Variants in PTPRN2 observed in about 807,000 individuals in gnomAD.
PTPRN2 encodes the protein receptor-type tyrosine-protein phosphatase N2.
In PTPRN2, 74 loss-of-function variants were observed where a neutral mutation model predicts 118.8. That is an observed-to-expected ratio of 0.62 (90% CI 0.52 to 0.76). PTPRN2 has a LOEUF of 0.76. Ranked by LOEUF, PTPRN2 falls within the 30% of genes least tolerant of loss-of-function variation. The pLI is 0.00. For missense variants in PTPRN2, 1,481 were observed against 1,394.4 expected, an observed-to-expected ratio of 1.06 and a Z score of -0.99; for synonymous variants, 641 against 608.0, an observed-to-expected ratio of 1.05 and a Z score of -0.80.
intron 3 of PTPRN2, among the ~76,000 whole-genome samples, chr7:158,225,591 T>C (rs1361854711): frequency 1.3e-5 from 2 of 152,186 alleles, no homozygotes; most frequent in Non-Finnish European, 2.9e-5. Context: ...TGCAGTCTAG[T>C]GTGGAATGCA....
intron 12 of PTPRN2, among the ~76,000 whole-genome samples, chr7:157,720,116 C>T (rs368604197): frequency 1.8e-4 from 27 of 152,328 alleles, no homozygotes; most frequent in African/African-American, 5.1e-4. Context: ...GTCAGATATT[C>T]GCTTATAGGA....
intron 12 of PTPRN2, among the ~76,000 whole-genome samples, chr7:157,683,999 T>C (rs1476229591): frequency 6.6e-6 from 1 of 152,052 alleles, no homozygotes; most frequent in African/African-American, 2.4e-5. Flanking sequence ...GGCCTATTCA[T>C]TATCTCTCTT....
Position 157,808,345 on chromosome 7 carries a change from G to A in PTPRN2, c.1788+90328C>T, listed in dbSNP as rs1805765865. Among the ~76,000 whole-genome samples the A allele has an allele frequency of 6.6e-6, 1 of 152,130 alleles. No homozygotes were observed. The highest frequency in any genetic ancestry group is 2.4e-5 in the African/African-American group (1 of 41,396). On this transcript the variant is annotated intron_variant, in intron 12 of 22. Coordinates refer to ENST00000389418, the MANE Select transcript of PTPRN2 (RefSeq NM_002847.5). The surrounding 1 kb of genome is among the most constrained non-coding windows in gnomAD (Gnocchi z 5.0). ...TGGCAGGTAAGCGGGTGAGTGGCGG[G>A]TGAGTGAGCGAGTGAAACTTTGTCG...
At chr7:158,281,492 A>G (rs981763310) in intron 3 of PTPRN2, among the ~76,000 whole-genome samples, 1 of 152,246 alleles carries the variant, frequency 6.6e-6, no homozygotes, top group African/African-American at 2.4e-5. Context: ...TTTACAGTAT[A>G]AGAGACATTG....
In PTPRN2 at chr7:157,801,833, C is replaced by A. The variant is rs1229940038; in HGVS notation, c.1788+96840G>T. Among the ~76,000 whole-genome samples, 3 of 152,126 alleles carry A rather than the reference C, an allele frequency of 2.0e-5. No individual in the cohort carries two copies. Among genetic ancestry groups the A allele is most frequent in the Non-Finnish European group, 2.9e-5 (2 of 68,018 alleles). On this transcript the variant is annotated intron_variant, in intron 12 of 22. Coordinates refer to ENST00000389418, the MANE Select transcript of PTPRN2 (RefSeq NM_002847.5). The surrounding 1 kb of genome is among the most constrained non-coding windows in gnomAD (Gnocchi z 4.2). ...GGTCCTTGGCTTCCTGTGTCTCCCC[C>A]AAAACACACGTGGCTTATCAGAAAC...
intron 2 of PTPRN2, among the ~76,000 whole-genome samples, chr7:158,391,421 G>T (rs1284188123): frequency 6.6e-6 from 1 of 152,208 alleles, no homozygotes; most frequent in Admixed American, 6.5e-5. Flanking sequence ...TCTCTCCTTC[G>T]GACGCTGACT....
At chr7:157,715,302 C>T (rs969533542) in intron 12 of PTPRN2, among the ~76,000 whole-genome samples, 1 of 152,184 alleles carries the variant, frequency 6.6e-6, no homozygotes, top group South Asian at 2.1e-4. Context: ...GGCCGGCGGC[C>T]GCGGGAAACC....
chr7:158,133,479 G>A (rs967828365), intron 9 of PTPRN2, among the ~76,000 whole-genome samples, 198 bp downstream of exon 9: 1 of 152,214 alleles, frequency 6.6e-6, no homozygotes, highest in Non-Finnish European at 1.5e-5. Context: ...GCCCAGCTCA[G>A]AAGCATCAGG....
In PTPRN2 at chr7:157,763,273, GGCGTGATGT is replaced by G. The variant is rs1802256063; in HGVS notation, c.1789-80345_1789-80337del. Among the ~76,000 whole-genome samples the G allele has an allele frequency of 6.6e-6, 1 of 152,226 alleles. No individual in the cohort carries two copies. Among genetic ancestry groups the G allele is most frequent in the Non-Finnish European group, 1.5e-5 (1 of 68,040 alleles). ...TCCAGCCACATACACCATGACCTCT[GGCGTGATGT>G]GCCCTCCTCATTTTTCTCTCCCTTC... On this transcript the variant is annotated intron_variant, in intron 12 of 22. Coordinates refer to ENST00000389418, the MANE Select transcript of PTPRN2 (RefSeq NM_002847.5). The surrounding 1 kb of genome is among the most constrained non-coding windows in gnomAD (Gnocchi z 4.9).
intron 11 of PTPRN2, among the ~76,000 whole-genome samples, chr7:158,045,907 C>A (rs567475792): frequency 0.019 from 2,559 of 135,670 alleles, 88 homozygotes; most frequent in African/African-American, 0.034. Context: ...GCGATCCTGA[C>A]GTCCTGACAC....
chr7:157,683,011 G>A lies in PTPRN2; in HGVS notation c.1789-74C>T, dbSNP rs1189751251. On this transcript the variant is annotated intron_variant, in intron 12 of 22. Coordinates refer to ENST00000389418, the MANE Select transcript of PTPRN2 (RefSeq NM_002847.5). The stretch of plus-strand genomic sequence containing the variant: ...CTCCTAAAAACACACGTCTCCAAAT[G>A]CAACTTGAAAGTGGAAAGCTCAGCC... 3 of 1,316,206 alleles carry A rather than the reference G, an allele frequency of 2.3e-6. No homozygotes were observed. The African/African-American group carries it at 4.4e-5, about 19-fold the overall frequency. The allele number at this position is 1,316,206 out of a possible 1,614,324, so 81.5% of individuals were successfully genotyped here.
At chr7:158,180,522 G>A (rs2150657277) in intron 5 of PTPRN2, among the ~76,000 whole-genome samples, 1 of 152,274 alleles carries the variant, frequency 6.6e-6, no homozygotes, top group South Asian at 2.1e-4. Context: ...TAAATCTGTA[G>A]ATTGCTTTGG....
chr7:158,353,644 G>C (rs1413900234), intron 2 of PTPRN2, among the ~76,000 whole-genome samples: 2 of 152,190 alleles, frequency 1.3e-5, no homozygotes, highest in African/African-American at 4.8e-5. Context: ...AGGTGAGGAT[G>C]AGTCAGGTCC....
chr7:158,216,438 A>T (rs1417357105), intron 3 of PTPRN2, among the ~76,000 whole-genome samples: 2 of 151,390 alleles, frequency 1.3e-5, no homozygotes, highest in African/African-American at 2.4e-5. Context: ...GGTTTTTTTT[A>T]AAAAAAGACT....
intron 19 of PTPRN2, among the ~76,000 whole-genome samples, chr7:157,576,003 T>C (rs1431403587): frequency 1.3e-5 from 2 of 152,194 alleles, no homozygotes; most frequent in African/African-American, 4.8e-5. Context: ...TTTTTTTTCA[T>C]TGTCAATTTC....
At chr7:158,414,767 G>A (rs1011851578) in intron 2 of PTPRN2, among the ~76,000 whole-genome samples, 2 of 152,348 alleles carry the variant, frequency 1.3e-5, no homozygotes, top group East Asian at 1.9e-4. Flanking sequence ...TGTTGAAAGT[G>A]GGGGAGGGGC....
chr7:158,359,373 T>C (rs1808655727), intron 2 of PTPRN2, among the ~76,000 whole-genome samples: 1 of 152,014 alleles, frequency 6.6e-6, no homozygotes, highest in Non-Finnish European at 1.5e-5. Context: ...GGCCAAGAGG[T>C]CATTTGGCGA....
At chr7:158,522,177 ACT>A (rs1824197519) in intron 1 of PTPRN2, among the ~76,000 whole-genome samples, 2 of 14,148 alleles carry the variant, frequency 1.4e-4, no homozygotes, top group African/African-American at 4.2e-4. Context: ...CTGTCCGGGT[ACT>A]GGCTCGGGAG....
chr7:157,961,638 C>A (rs1348020985), intron 11 of PTPRN2, among the ~76,000 whole-genome samples: 1 of 152,154 alleles, frequency 6.6e-6, no homozygotes, highest in Non-Finnish European at 1.5e-5. Flanking sequence ...ATTAAAGCAT[C>A]CATTTAATAA....
Sources: gnomAD v4.1 joint callset for allele counts (sites outside exome capture counted in the v4.1 genomes callset) on GRCh38, gnomAD v4.1.1 for gene constraint, Gnocchi (gnomAD v3.1) non-coding constraint, MANE v1.5 for transcripts, NCBI Gene and HGNC (gene_info 2026-07-23, HGNC 2026-07-21) for gene names.